POLR2D: variants seen among roughly 807,000 people sequenced by gnomAD.
POLR2D encodes RNA polymerase II subunit D, also known as DNA-directed RNA polymerase II subunit RPB4.
Under a neutral mutation model 17.6 loss-of-function variants are expected in POLR2D, and 10 were observed. The observed-to-expected ratio is 0.57, with a 90% CI of 0.35 to 0.96. The LOEUF is 0.96. Ranked by LOEUF, POLR2D falls within the 40% of genes least tolerant of loss-of-function variation. The pLI is 0.02. For synonymous variants in POLR2D, 52 were observed against 60.2 expected (o/e 0.86, Z 0.63); for missense variants, 126 against 176.4 (o/e 0.71, Z 1.62).
chr2:127,854,649 T>C (rs1690300842), intron 1 of POLR2D, among the ~76,000 whole-genome samples: 1 of 152,168 alleles, frequency 6.6e-6, no homozygotes, highest in African/African-American at 2.4e-5. Flanking sequence ...AAGGTACTCA[T>C]TGCTACTAAA....
chr2:127,850,785 G>A (rs1690239756), intron 2 of POLR2D, 100 bp from the exon 3 acceptor site: 1 of 641,198 alleles, frequency 1.6e-6, no homozygotes, highest in South Asian at 1.9e-5. Flanking sequence ...AACGTAGCTA[G>A]TATTTAAAAA....
rs1219137294 is a variant in POLR2D, at chr2:127,852,594, C to T, written c.254+331G>A. 6.6e-6 allele frequency among the ~76,000 whole-genome samples: 1 copy of T among 152,172 alleles called. No individual in the cohort carries two copies. Among genetic ancestry groups the T allele is most frequent in the East Asian group, 1.9e-4 (1 of 5,198 alleles). On this transcript the variant is annotated intron_variant, in intron 2 of 3. Transcript: ENST00000272645. This position sits in a 1 kb window ranked among gnomAD's most constrained non-coding sequence, Gnocchi z 4.0. Reference sequence around the variant, plus strand: ...AGGTTGGAGTGCAGTTGCGCAATCTCGGCTCACTGCAACCTTGGCCTACAG... The same window carrying T: ...AGGTTGGAGTGCAGTTGCGCAATCTTGGCTCACTGCAACCTTGGCCTACAG...
At position 127,843,817 on chromosome 2, in the gene POLR2D, A is replaced by T. The variant is rs1001701719; in HGVS notation, c.*4290T>A. 1 of 153,654 alleles carries T rather than the reference A, an allele frequency of 6.5e-6. No individual in the cohort carries two copies. Among genetic ancestry groups the T allele is most frequent in the Non-Finnish European group, 1.5e-5 (1 of 68,036 alleles). 9.5% of individuals were successfully genotyped at this position (153,654 alleles called of 1,614,324 possible). A position where few individuals can be genotyped will look rare whatever the true frequency, so the allele number is the denominator to read the frequency against. On this transcript the variant is annotated 3_prime_UTR_variant, in exon 4 of 4. Coordinates refer to ENST00000272645, the MANE Select transcript of POLR2D (RefSeq NM_004805.4). ...TGAAGGGGATTAATGCCCTTATAAA[A>T]GAGGCTGCGGGCTGGGTGCAGTGAC...
rs1184339580 is a variant in POLR2D, at chr2:127,858,083, G to A, written c.18C>T (p.Ser6=). The A allele has an allele frequency of 7.9e-6, 12 of 1,523,396 alleles. No homozygotes were observed. In the East Asian group the frequency reaches 8.3e-5, roughly 10 times the overall value. 94.4% of individuals were successfully genotyped at this position (1,523,396 alleles called of 1,614,324 possible). A position where few individuals can be genotyped will look rare whatever the true frequency, so the allele number is the denominator to read the frequency against. MAAGG[S]DPRAGDVEED... is the part of the protein sequence containing the mutation. ...CCTCTACGTCGCCAGCCCGCGGATC[G>A]CTGCCACCCGCCGCCATCGCCGCGC... Residue 6 remains serine, a synonymous_variant, in exon 1 of 4, where the codon AGC becomes AGT. Transcript: ENST00000272645.
rs1284301666 is a variant in POLR2D, at chr2:127,844,500, T to C, written c.*3607A>G. 2 of 152,214 alleles carry C rather than the reference T, an allele frequency of 1.3e-5. No individual in the cohort carries two copies. Among genetic ancestry groups the C allele is most frequent in the African/African-American group, 4.8e-5 (2 of 41,458 alleles). The allele number at this position is 152,214 out of a possible 1,614,324, so 9.4% of individuals were successfully genotyped here. On this transcript the variant is annotated 3_prime_UTR_variant, in exon 4 of 4. Coordinates refer to ENST00000272645, the MANE Select transcript of POLR2D (RefSeq NM_004805.4). ...ATGAGCCTAACAATGTTTCACAAAT[T>C]GTGCAAGGTCTCCTAATAGCTATTT...
Position 127,847,708 on chromosome 2 carries a change from TTCTC to T in POLR2D, c.*395_*398del, listed in dbSNP as rs1690179092. On this transcript the variant is annotated 3_prime_UTR_variant, in exon 4 of 4. Transcript: ENST00000272645. ...TTTAGTATCTAGGTAAAACTGGTCT[TTCTC>T]TATAAAGTCTACTATCTTCTGGTCT... The T allele has an allele frequency of 5.4e-6, 1 of 185,754 alleles. No individual in the cohort carries two copies. Among genetic ancestry groups the T allele is most frequent in the East Asian group, 1.7e-4 (1 of 5,740 alleles). 11.5% of individuals were successfully genotyped at this position (185,754 alleles called of 1,614,324 possible).
At chr2:127,849,396 G>C (rs1690209580) in intron 3 of POLR2D, among the ~76,000 whole-genome samples, 1 of 152,056 alleles carries the variant, frequency 6.6e-6, no homozygotes, top group African/African-American at 2.4e-5. Context: ...TCCTAGACCA[G>C]TACCTTCCCT....
At chr2:127,855,172 G>C (rs1486869810) in intron 1 of POLR2D, among the ~76,000 whole-genome samples, 1 of 151,994 alleles carries the variant, frequency 6.6e-6, no homozygotes, top group African/African-American at 2.4e-5. Context: ...CAAGGCAGGT[G>C]AATCACCTGA....
intron 3 of POLR2D, 85 bp downstream of exon 3, chr2:127,850,505 A>G: frequency 3.4e-6 from 2 of 587,932 alleles, no homozygotes; most frequent in Non-Finnish European, 6.1e-6. Context: ...ACCCAAATAT[A>G]TAACGCATAC....
Position 127,850,653 on chromosome 2 carries a change from T to A in POLR2D, c.287A>T (p.Glu96Val). The part of the protein sequence containing the change: ...LLLQKKLHKF[E>V]LACLANLCPE... ...GCAAAGGTTGGCCAAACAGGCCAAC[T>A]CAAACTTATGAAGCTTTTTCTGGAG... Residue 96 changes from glutamate to valine, a missense_variant, in exon 3 of 4, where the codon GAG (glutamate) becomes GTG (valine). Coordinates refer to ENST00000272645, the MANE Select transcript of POLR2D (RefSeq NM_004805.4). 1.3e-6 allele frequency: 2 copies of A among 1,583,176 alleles called. No individual in the cohort carries two copies. The highest frequency in any genetic ancestry group is 1.7e-6 in the Non-Finnish European group (2 of 1,162,708).
intron 3 of POLR2D, among the ~76,000 whole-genome samples, chr2:127,849,087 C>T (rs1690203973): frequency 6.6e-6 from 1 of 151,854 alleles, no homozygotes; most frequent in Non-Finnish European, 1.5e-5. Flanking sequence ...GCTCTATTGC[C>T]AAACTGGAGT....
Position 127,847,650 on chromosome 2 carries a change from AG to A in POLR2D, c.*456del. The A allele has an allele frequency of 1.2e-5, 2 of 173,046 alleles. No homozygotes were observed. Among genetic ancestry groups the A allele is most frequent in the Non-Finnish European group, 2.5e-5 (2 of 80,688 alleles). 10.7% of individuals were successfully genotyped at this position (173,046 alleles called of 1,614,324 possible). A position where few individuals can be genotyped will look rare whatever the true frequency, so the allele number is the denominator to read the frequency against. On this transcript the variant is annotated 3_prime_UTR_variant, in exon 4 of 4. Transcript: ENST00000272645. Reference sequence around the variant, plus strand: ...TCTCCATTTAAAAAAAAAAAAAAAAAGCATTTCAAACTAACAGCGGTTTAAT... The same window carrying A: ...TCTCCATTTAAAAAAAAAAAAAAAAACATTTCAAACTAACAGCGGTTTAAT...
intron 3 of POLR2D, among the ~76,000 whole-genome samples, chr2:127,849,486 A>AT (rs1690212230): frequency 6.6e-6 from 1 of 152,184 alleles, no homozygotes; most frequent in African/African-American, 2.4e-5. Flanking sequence ...TTTGCCATAC[A>AT]TATTTTTATA....
chr2:127,848,134 G>A lies in POLR2D; in HGVS notation c.402C>T (p.Ile134=). ...DEELQQILDD[I]QTKRSFQY is the part of the protein sequence containing the mutation. ...AATACTGAAAGCTGCGCTTTGTCTGGATATCATCAAGAATCTGCTGCAGCT... is the reference window on the plus strand; with the variant it reads ...AATACTGAAAGCTGCGCTTTGTCTGAATATCATCAAGAATCTGCTGCAGCT... Residue 134 remains isoleucine (I), a synonymous_variant, in exon 4 of 4, where the codon ATC becomes ATT. Transcript: ENST00000272645. 1 of 1,612,214 alleles carries A rather than the reference G, an allele frequency of 6.2e-7. No individual in the cohort carries two copies. Among genetic ancestry groups the A allele is most frequent in the Non-Finnish European group, 8.5e-7 (1 of 1,178,382 alleles).
chr2:127,848,841 T>C (rs1267155201), intron 3 of POLR2D, among the ~76,000 whole-genome samples: 2 of 151,842 alleles, frequency 1.3e-5, no homozygotes, highest in South Asian at 2.1e-4. Flanking sequence ...TTTATATTTT[T>C]AGTAGAGACG....
chr2:127,848,540 G>A (rs1439659193), intron 3 of POLR2D, among the ~76,000 whole-genome samples: 1 of 151,654 alleles, frequency 6.6e-6, no homozygotes, highest in Non-Finnish European at 1.5e-5. Flanking sequence ...CCTACCAAAC[G>A]GAGTCTTGCT....
chr2:127,849,208 C>T (rs998801204), intron 3 of POLR2D, among the ~76,000 whole-genome samples: 2 of 151,988 alleles, frequency 1.3e-5, no homozygotes, highest in East Asian at 1.9e-4. Context: ...CCACACCCAG[C>T]TAATTTTGTA....
At chr2:127,855,791 A>ACG (rs1690317740) in intron 1 of POLR2D, among the ~76,000 whole-genome samples, 1 of 138,158 alleles carries the variant, frequency 7.2e-6, no homozygotes, top group Non-Finnish European at 1.5e-5. Flanking sequence ...AGGCGCGCAC[A>ACG]CGCGCGCACA....
Position 127,845,440 on chromosome 2 carries a change from A to C in POLR2D, c.*2667T>G, listed in dbSNP as rs1332067778. ...GCCTAGGCTGGAGTACAATGGTGCA[A>C]TCTTGGCTCGCCACCCCCTCTGCCT... On this transcript the variant is annotated 3_prime_UTR_variant, in exon 4 of 4. Coordinates refer to ENST00000272645, the MANE Select transcript of POLR2D (RefSeq NM_004805.4). 7.1e-6 allele frequency: 1 copy of C among 141,152 alleles called. No individual in the cohort carries two copies. Among genetic ancestry groups the C allele is most frequent in the Non-Finnish European group, 1.5e-5 (1 of 67,036 alleles). The allele number at this position is 141,152 out of a possible 1,614,324, so 8.7% of individuals were successfully genotyped here. A position where few individuals can be genotyped will look rare whatever the true frequency, so the allele number is the denominator to read the frequency against.
Sources: gnomAD v4.1 joint callset for allele counts (sites outside exome capture counted in the v4.1 genomes callset) on GRCh38, gnomAD v4.1.1 for gene constraint, Gnocchi (gnomAD v3.1) non-coding constraint, MANE v1.5 for transcripts, NCBI Gene and HGNC (gene_info 2026-07-23, HGNC 2026-07-21) for gene names.